IGDCC3: variants seen among roughly 807,000 people sequenced by gnomAD.
IGDCC3 encodes putative neuronal cell adhesion molecule.
IGDCC3 carries 47 observed loss-of-function variants against 72.0 expected under a neutral mutation model. The observed-to-expected ratio is 0.65, with a 90% confidence interval of 0.52 to 0.83. The LOEUF (loss-of-function observed/expected upper bound fraction) is 0.83, where lower values mean the gene tolerates loss of function less well. Among genes scored for constraint, IGDCC3 ranks in the 40% least tolerant of loss-of-function variants. The probability of loss-of-function intolerance (pLI) is 0.00; values close to 1 mark genes in which losing one functional copy is unlikely to be tolerated. For missense variants in IGDCC3, 1,038 were observed against 1,091.3 expected (o/e 0.95, Z 0.69); for synonymous variants, 477 against 472.8 (o/e 1.01, Z -0.11).
At chr15:65,331,240 G>C in intron 8 of IGDCC3, 26 bp from the exon 9 acceptor site, 2 of 1,611,194 alleles carry the variant, frequency 1.2e-6, no homozygotes, top group Non-Finnish European at 1.7e-6. Context: ...GTGGGCAGGG[G>C]AGTGTGAAGG....
chr15:65,337,381 T>C (rs908283947), intron 2 of IGDCC3, among the ~76,000 whole-genome samples: 1 of 152,146 alleles, frequency 6.6e-6, no homozygotes, highest in South Asian at 2.1e-4. Context: ...GTGGTCTGAG[T>C]GTCTGTGTCT....
At position 65,377,433 on chromosome 15, in the gene IGDCC3, C is replaced by T. The variant is rs1300683330; in HGVS notation, c.103+253G>A. Reference sequence around the variant, plus strand: ...TGCTCCCGCTTCGCTGCACTCCTTGCTCCTCAGTCTGGGCTCCGGGTCCTG... The same window carrying T: ...TGCTCCCGCTTCGCTGCACTCCTTGTTCCTCAGTCTGGGCTCCGGGTCCTG... On this transcript the variant is annotated intron_variant, in intron 1 of 13. Coordinates refer to ENST00000327987, the MANE Select transcript of IGDCC3 (RefSeq NM_004884.4). This position sits in a 1 kb window ranked among gnomAD's most constrained non-coding sequence, Gnocchi z 4.9. 2.0e-5 allele frequency among the ~76,000 whole-genome samples: 3 copies of T among 152,204 alleles called. No individual in the cohort carries two copies. Among genetic ancestry groups the T allele is most frequent in the Non-Finnish European group, 2.9e-5 (2 of 68,022 alleles).
chr15:65,373,754 T>C (rs2091341631), intron 2 of IGDCC3: 1 of 152,630 alleles, frequency 6.6e-6, no homozygotes, highest in South Asian at 2.1e-4. Flanking sequence ...CTATCTTCCA[T>C]TCTCCCAGGG....
At chr15:65,372,649 A>G (rs2140173467) in intron 2 of IGDCC3, among the ~76,000 whole-genome samples, 1 of 152,232 alleles carries the variant, frequency 6.6e-6, no homozygotes, top group African/African-American at 2.4e-5. Flanking sequence ...AGGGGTGCTT[A>G]GCATGCCCCC....
At chr15:65,355,116 CAGG>C (rs1283502345) in intron 2 of IGDCC3, among the ~76,000 whole-genome samples, 2 of 152,196 alleles carry the variant, frequency 1.3e-5, no homozygotes, top group Non-Finnish European at 2.9e-5. Context: ...ACTCCAACGC[CAGG>C]AGGTGAGGGC....
intron 2 of IGDCC3, among the ~76,000 whole-genome samples, chr15:65,344,413 C>A (rs1052939232): frequency 1.3e-5 from 2 of 152,150 alleles, no homozygotes; most frequent in African/African-American, 4.8e-5. Context: ...GCTCACCACT[C>A]CCCCGCACCC....
chr15:65,370,501 G>C (rs1277047049), intron 2 of IGDCC3, among the ~76,000 whole-genome samples: 1 of 114,992 alleles, frequency 8.7e-6, no homozygotes, highest in African/African-American at 3.4e-5. Context: ...AGCGAGACTT[G>C]GTCTCAAAAA....
intron 2 of IGDCC3, among the ~76,000 whole-genome samples, chr15:65,350,811 T>C (rs901682598): frequency 1.3e-5 from 2 of 152,160 alleles, no homozygotes; most frequent in African/African-American, 2.4e-5. Context: ...TGGGCGAGGC[T>C]CTATACCTAG....
At chr15:65,343,146 G>A (rs1010945131) in intron 2 of IGDCC3, among the ~76,000 whole-genome samples, 3 of 152,164 alleles carry the variant, frequency 2.0e-5, no homozygotes, top group Admixed American at 6.5e-5. Flanking sequence ...AGCTATGTTC[G>A]TAAACTGCTT....
At chr15:65,343,265 G>A (rs2091097820) in intron 2 of IGDCC3, among the ~76,000 whole-genome samples, 1 of 152,184 alleles carries the variant, frequency 6.6e-6, no homozygotes, top group Admixed American at 6.5e-5. Flanking sequence ...AGGGCGGGGG[G>A]TCAGGAAGAA....
At position 65,328,615 on chromosome 15, in the gene IGDCC3, T is replaced by TAAAG. The variant is rs2090944188; in HGVS notation, c.*290_*293dup. On this transcript the variant is annotated 3_prime_UTR_variant, in exon 14 of 14. Coordinates refer to ENST00000327987, the MANE Select transcript of IGDCC3 (RefSeq NM_004884.4). ...TTTTTTTTTTTTAAGTTTTGCTTTTTAAAGAAAAATGTTAGTTCAGTTCCA... is the reference window on the plus strand; with the variant it reads ...TTTTTTTTTTTTAAGTTTTGCTTTTTAAAGAAAGAAAAATGTTAGTTCAGTTCCA... The TAAAG allele has an allele frequency of 3.1e-6, 1 of 323,608 alleles. No homozygotes were observed. Among genetic ancestry groups the TAAAG allele is most frequent in the African/African-American group, 2.1e-5 (1 of 47,050 alleles). 20.0% of individuals were successfully genotyped at this position (323,608 alleles called of 1,614,324 possible). A position where few individuals can be genotyped will look rare whatever the true frequency, so the allele number is the denominator to read the frequency against.
chr15:65,329,684 C>G lies in IGDCC3; in HGVS notation c.1997+42G>C. 1.9e-6 allele frequency: 3 copies of G among 1,613,244 alleles called. No individual in the cohort carries two copies. Among genetic ancestry groups the G allele is most frequent in the Non-Finnish European group, 2.5e-6 (3 of 1,179,488 alleles). ...CACTCACCTTCTCTAGGCCTAGTCCCCCACACACCAGCCCAGCCCCTCTCC... is the reference window on the plus strand; with the variant it reads ...CACTCACCTTCTCTAGGCCTAGTCCGCCACACACCAGCCCAGCCCCTCTCC... On this transcript the variant is annotated intron_variant, in intron 12 of 13. Coordinates refer to ENST00000327987, the MANE Select transcript of IGDCC3 (RefSeq NM_004884.4). This position sits in a 1 kb window ranked among gnomAD's most constrained non-coding sequence, Gnocchi z 4.1.
Position 65,327,459 on chromosome 15 carries a change from A to T in IGDCC3, c.*1450T>A, listed in dbSNP as rs639812. ...TTCAGGGTGGAGGTGTCCCTAGAGGATTGGGGGTCAGGGATATTTATGGTC... is the reference window on the plus strand; with the variant it reads ...TTCAGGGTGGAGGTGTCCCTAGAGGTTTGGGGGTCAGGGATATTTATGGTC... On this transcript the variant is annotated 3_prime_UTR_variant, in exon 14 of 14. Coordinates refer to ENST00000327987, the MANE Select transcript of IGDCC3 (RefSeq NM_004884.4). 1 of 152,148 alleles carries T rather than the reference A, an allele frequency of 6.6e-6. No individual in the cohort carries two copies. Among genetic ancestry groups the T allele is most frequent in the East Asian group, 1.9e-4 (1 of 5,192 alleles). The allele number at this position is 152,148 out of a possible 1,614,324, so 9.4% of individuals were successfully genotyped here.
intron 2 of IGDCC3, among the ~76,000 whole-genome samples, chr15:65,337,799 C>T (rs1209547293): frequency 6.6e-6 from 1 of 152,180 alleles, no homozygotes; most frequent in Non-Finnish European, 1.5e-5. Flanking sequence ...GGCCCTGCTC[C>T]TTCGAAGATG....
intron 2 of IGDCC3, among the ~76,000 whole-genome samples, chr15:65,368,870 G>T (rs889067312): frequency 6.6e-6 from 1 of 152,198 alleles, no homozygotes; most frequent in African/African-American, 2.4e-5. Flanking sequence ...GGGAGCAAAA[G>T]AGAAGCAGAG....
chr15:65,357,795 T>G (rs945622797), intron 2 of IGDCC3, among the ~76,000 whole-genome samples: 1 of 152,188 alleles, frequency 6.6e-6, no homozygotes, highest in African/African-American at 2.4e-5. Context: ...AGAGTTATAC[T>G]TCTTCTACCT....
chr15:65,357,250 A>AG (rs1381927455), intron 2 of IGDCC3, among the ~76,000 whole-genome samples: 2 of 152,132 alleles, frequency 1.3e-5, no homozygotes, highest in African/African-American at 4.8e-5. Flanking sequence ...TTCCACCTAA[A>AG]GGAAGAATGA....
At chr15:65,330,921 G>T (rs1039246187) in intron 9 of IGDCC3, 129 bp downstream of exon 9, 1 of 1,176,812 alleles carries the variant, frequency 8.5e-7, no homozygotes, top group Non-Finnish European at 1.2e-6. Flanking sequence ...CCTCCAAGTA[G>T]ACTCAGCCCT....
chr15:65,375,013 C>G (rs748539129), intron 2 of IGDCC3, 84 bp downstream of exon 2: 15 of 1,247,596 alleles, frequency 1.2e-5, no homozygotes, highest in African/African-American at 3.0e-5. Context: ...TAAGATGGGA[C>G]TGCTCCCGCT....
Sources: gnomAD v4.1 joint callset for allele counts (sites outside exome capture counted in the v4.1 genomes callset) on GRCh38, gnomAD v4.1.1 for gene constraint, Gnocchi (gnomAD v3.1) non-coding constraint, MANE v1.5 for transcripts, NCBI Gene and HGNC (gene_info 2026-07-23, HGNC 2026-07-21) for gene names.